The following ASIC2 variants were observed in gnomAD, a reference collection of about 807,000 sequenced individuals.
The protein encoded by ASIC2 is acid sensing ion channel subunit 2.
In ASIC2, 25 loss-of-function variants were observed where a neutral mutation model predicts 57.3. That is an observed-to-expected ratio of 0.44 (90% CI 0.32 to 0.61). The LOEUF is 0.61. Ranked by LOEUF, ASIC2 falls within the 20% of genes least tolerant of loss-of-function variation. The probability of loss-of-function intolerance (pLI) is 0.06; values close to 1 mark genes in which losing one functional copy is unlikely to be tolerated. For missense variants in ASIC2, 641 were observed against 738.1 expected (o/e 0.87, Z 1.52); for synonymous variants, 319 against 307.5 (o/e 1.04, Z -0.39).
intron 1 of ASIC2, among the ~76,000 whole-genome samples, chr17:33,460,509 C>T (rs1290921750): frequency 6.6e-6 from 1 of 152,150 alleles, no homozygotes; most frequent in Admixed American, 6.5e-5. Flanking sequence ...TGGAAGAAGC[C>T]GTAAGTGAGG....
chr17:33,204,568 T>C (rs1191872120), intron 1 of ASIC2, among the ~76,000 whole-genome samples: 1 of 152,190 alleles, frequency 6.6e-6, no homozygotes, highest in Non-Finnish European at 1.5e-5. Flanking sequence ...TCAGATAAAG[T>C]TGACTCTACC....
At chr17:34,071,298 C>T (rs559224325) in intron 1 of ASIC2, 1 of 152,302 alleles carries the variant, frequency 6.6e-6, no homozygotes, top group East Asian at 1.9e-4. Context: ...AGGCATGTCA[C>T]TGGCTCTTGG....
chr17:33,664,242 G>A (rs1907398570), intron 1 of ASIC2, among the ~76,000 whole-genome samples: 1 of 152,194 alleles, frequency 6.6e-6, no homozygotes, highest in Admixed American at 6.5e-5. Flanking sequence ...ACCTGGGAAA[G>A]TATGTTTTGT....
intron 2 of ASIC2, among the ~76,000 whole-genome samples, chr17:33,092,815 C>A (rs2092162952): frequency 6.6e-6 from 1 of 152,204 alleles, no homozygotes. Flanking sequence ...ATATCTTTTT[C>A]TTTGTAATCA....
intron 1 of ASIC2, among the ~76,000 whole-genome samples, chr17:33,319,926 T>C (rs1163492669): frequency 6.6e-6 from 1 of 152,210 alleles, no homozygotes; most frequent in East Asian, 1.9e-4. Context: ...ATCCCTTTCT[T>C]GGTCTAGGAA....
At chr17:33,456,150 C>T (rs983730175) in intron 1 of ASIC2, among the ~76,000 whole-genome samples, 1 of 152,226 alleles carries the variant, frequency 6.6e-6, no homozygotes, top group African/African-American at 2.4e-5. Context: ...CTGCCTCATC[C>T]ATTACCTTGA....
chr17:33,378,424 TC>T (rs1281442235), intron 1 of ASIC2, among the ~76,000 whole-genome samples: 1 of 152,070 alleles, frequency 6.6e-6, no homozygotes, highest in African/African-American at 2.4e-5. Flanking sequence ...CTGCAGGCCC[TC>T]CCATGAATGA....
chr17:33,193,089 T>TTA (rs1906490288), intron 1 of ASIC2, among the ~76,000 whole-genome samples: 3 of 152,198 alleles, frequency 2.0e-5, no homozygotes, highest in African/African-American at 7.2e-5. Context: ...GATTTGAAAG[T>TTA]CCTTTAATGG....
At chr17:33,098,211 T>C (rs1301469290) in intron 2 of ASIC2, among the ~76,000 whole-genome samples, 1 of 151,980 alleles carries the variant, frequency 6.6e-6, no homozygotes, top group Non-Finnish European at 1.5e-5. Context: ...TCCTGCAAAA[T>C]AGATGAAAAA....
At chr17:34,074,707 A>G (rs943253870) in intron 1 of ASIC2, among the ~76,000 whole-genome samples, 1 of 151,022 alleles carries the variant, frequency 6.6e-6, no homozygotes, top group African/African-American at 2.4e-5. Context: ...TGTAGCTCTG[A>G]GCATTATAAA....
intron 1 of ASIC2, among the ~76,000 whole-genome samples, chr17:34,014,075 G>T (rs1017767595): frequency 1.3e-5 from 2 of 152,132 alleles, no homozygotes; most frequent in African/African-American, 4.8e-5. Context: ...AGCTGCTCTT[G>T]GTTCATTACT....
At chr17:34,092,530 C>A (rs1285172843) in intron 1 of ASIC2, among the ~76,000 whole-genome samples, 1 of 152,090 alleles carries the variant, frequency 6.6e-6, no homozygotes, top group Non-Finnish European at 1.5e-5. Context: ...TGTAGGCACC[C>A]TATGGGAGCC....
At chr17:33,442,591 T>G (rs1026286971) in intron 1 of ASIC2, among the ~76,000 whole-genome samples, 7 of 152,200 alleles carry the variant, frequency 4.6e-5, no homozygotes, top group African/African-American at 1.4e-4. Context: ...GACATACAAT[T>G]TATTTTGAAA....
chr17:33,415,188 C>A (rs770069510), intron 1 of ASIC2, among the ~76,000 whole-genome samples: 1 of 151,392 alleles, frequency 6.6e-6, no homozygotes, highest in Non-Finnish European at 1.5e-5. Flanking sequence ...GATTTGACAG[C>A]TTTCCCCTAG....
chr17:34,099,463 AAAG>A (rs1910733720), intron 1 of ASIC2, among the ~76,000 whole-genome samples: 1 of 146,128 alleles, frequency 6.8e-6, no homozygotes, highest in African/African-American at 2.6e-5. Context: ...GAAAAGAAAG[AAAG>A]AGAGAGAAAG....
chr17:33,109,504 G>A (rs1220511740), intron 2 of ASIC2, among the ~76,000 whole-genome samples: 5 of 152,184 alleles, frequency 3.3e-5, no homozygotes, highest in African/African-American at 1.2e-4. Flanking sequence ...GTCTAAGTGA[G>A]TGTGCTGGTC....
intron 1 of ASIC2, among the ~76,000 whole-genome samples, chr17:33,676,359 G>C (rs996220063): frequency 6.6e-6 from 1 of 152,224 alleles, no homozygotes; most frequent in African/African-American, 2.4e-5. Flanking sequence ...CATGTAGAAA[G>C]CTGAGACTGG....
rs76447449 is a variant in ASIC2, at chr17:34,124,321, C to T, written c.555+31657G>A. On this transcript the variant is annotated intron_variant, in intron 1 of 9. Transcript: ENST00000359872. ...TCTAAGCAGTTTAAAGGCTGCTTCACGCACCGAAGCACCACTGACCTACAC... is the reference window on the plus strand; with the variant it reads ...TCTAAGCAGTTTAAAGGCTGCTTCATGCACCGAAGCACCACTGACCTACAC... 3.3e-5 allele frequency among the ~76,000 whole-genome samples: 5 copies of T among 151,714 alleles called. No homozygotes were observed. In the East Asian group the frequency reaches 7.8e-4, roughly 24 times the overall value.
chr17:34,146,061 T>G (rs1017380530), intron 1 of ASIC2, among the ~76,000 whole-genome samples: 1 of 152,142 alleles, frequency 6.6e-6, no homozygotes, highest in South Asian at 2.1e-4. Flanking sequence ...GCTGGGAGAA[T>G]GGGTATGGCT....
Sources: gnomAD v4.1 joint callset for allele counts (sites outside exome capture counted in the v4.1 genomes callset) on GRCh38, gnomAD v4.1.1 for gene constraint, MANE v1.5 for transcripts, NCBI Gene and HGNC (gene_info 2026-07-23, HGNC 2026-07-21) for gene names.